Variants in PKD1L3 observed in about 807,000 individuals in gnomAD.
PKD1L3 encodes the protein polycystin-1-like protein 3.
Under a neutral mutation model 184.1 loss-of-function variants are expected in PKD1L3, and 239 were observed. The observed-to-expected ratio is 1.30, with a 90% CI of 1.17 to 1.45. PKD1L3 has a LOEUF of 1.45. Among genes scored for constraint, PKD1L3 ranks in the 40% most tolerant of loss-of-function variants. PKD1L3 has a pLI of 0.00. For missense variants in PKD1L3, 2,660 were observed against 2,067.2 expected (o/e 1.29, Z -5.56); for synonymous variants, 996 against 778.8 (o/e 1.28, Z -4.64).
chr16:71,933,306 T>G, intron 28 of PKD1L3, 114 bp downstream of exon 28: 1 of 760,736 alleles, frequency 1.3e-6, no homozygotes, highest in East Asian at 2.7e-5. Context: ...GGACTGAAAT[T>G]TTCCCCCTTT....
At chr16:71,937,445 G>A in intron 24 of PKD1L3, 26 bp from the exon 25 acceptor site, 1 of 1,545,682 alleles carries the variant, frequency 6.5e-7, no homozygotes, top group Non-Finnish European at 8.7e-7. Flanking sequence ...AACACCTGGA[G>A]TCAAGAGTCT....
At chr16:71,986,914 A>ATTTTTT (rs71153694) in intron 4 of PKD1L3, among the ~76,000 whole-genome samples, 1,540 of 81,356 alleles carry the variant, frequency 0.019, 393 homozygotes, top group African/African-American at 0.083. Flanking sequence ...TAAGGAGAGG[A>ATTTTTT]TTTTTTTTTT....
chr16:71,931,847 C>T (rs2037984009), intron 28 of PKD1L3, among the ~76,000 whole-genome samples: 3 of 152,070 alleles, frequency 2.0e-5, no homozygotes, highest in South Asian at 4.1e-4. Flanking sequence ...CTTTAGATTA[C>T]CTCTAGTACT....
rs746692922 is a variant in PKD1L3, at chr16:71,980,078, A to C, written c.1200T>G (p.Phe400Leu). 1.3e-5 allele frequency: 20 copies of C among 1,551,686 alleles called. No homozygotes were observed. The highest frequency in any genetic ancestry group is 1.7e-5 in the Non-Finnish European group (19 of 1,147,032). ...LVEFGNIGEA[F>L]LEQNQSPESS... ...ACTCGGGAGACTGGTTCTGCTCTAG[A>C]AATGCTTCCCCGATATTCCCAAACT... Residue 400 changes from phenylalanine (F) to leucine (L), a missense_variant, in exon 8 of 30, where the codon TTT (phenylalanine) becomes TTG (leucine). Transcript: ENST00000620267.
intron 1 of PKD1L3, among the ~76,000 whole-genome samples, chr16:71,999,328 C>G (rs896241883): frequency 6.6e-6 from 1 of 151,718 alleles, no homozygotes; most frequent in Non-Finnish European, 1.5e-5. Context: ...GGTAGATACT[C>G]TTCCTCTTAG....
intron 16 of PKD1L3, among the ~76,000 whole-genome samples, chr16:71,960,402 C>T (rs1481469868): frequency 2.6e-5 from 4 of 151,834 alleles, no homozygotes; most frequent in Non-Finnish European, 2.9e-5. Flanking sequence ...TAACTCTAAG[C>T]AAAACCATAA....
At chr16:71,970,304 T>C (rs1304401601) in intron 12 of PKD1L3, among the ~76,000 whole-genome samples, 199 bp from the exon 13 acceptor site, 1 of 152,176 alleles carries the variant, frequency 6.6e-6, no homozygotes, top group African/African-American at 2.4e-5. Context: ...AACAAACTCT[T>C]TGAATCCTGC....
chr16:71,957,600 C>T (rs1213605525), intron 16 of PKD1L3, among the ~76,000 whole-genome samples: 1 of 151,976 alleles, frequency 6.6e-6, no homozygotes, highest in Admixed American at 6.6e-5. Flanking sequence ...GAGTTCGAGA[C>T]CAGCCTGGCC....
chr16:71,946,429 G>A (rs1468041984), intron 22 of PKD1L3, among the ~76,000 whole-genome samples: 1 of 151,988 alleles, frequency 6.6e-6, no homozygotes, highest in Non-Finnish European at 1.5e-5. Flanking sequence ...ATAACCTCTT[G>A]TCAAGACATG....
intron 11 of PKD1L3, among the ~76,000 whole-genome samples, chr16:71,974,898 G>T (rs115548326): frequency 6.8e-6 from 1 of 147,374 alleles, no homozygotes; most frequent in Non-Finnish European, 1.5e-5. Context: ...TGGTCATGAC[G>T]GGAGACTGTA....
chr16:71,975,940 T>G (rs2039901962), intron 11 of PKD1L3, among the ~76,000 whole-genome samples: 1 of 143,710 alleles, frequency 7.0e-6, no homozygotes, highest in Admixed American at 7.3e-5. Context: ...ATGAGAGGTA[T>G]ACAAGCTGTT....
intron 15 of PKD1L3, among the ~76,000 whole-genome samples, chr16:71,964,636 GC>G (rs1267805023): frequency 6.6e-6 from 1 of 151,598 alleles, no homozygotes; most frequent in Non-Finnish European, 1.5e-5. Flanking sequence ...ACCATGCCTG[GC>G]CAATTCAATG....
At chr16:71,940,492 G>T (rs957156928) in intron 24 of PKD1L3, among the ~76,000 whole-genome samples, 7 of 151,762 alleles carry the variant, frequency 4.6e-5, no homozygotes, top group Non-Finnish European at 7.4e-5. Context: ...ACAGAGCTTT[G>T]TTTTTTATTT....
chr16:71,945,381 CACATATATATAT>C (rs1222066071), intron 22 of PKD1L3, among the ~76,000 whole-genome samples: 3 of 62,094 alleles, frequency 4.8e-5, no homozygotes, highest in Admixed American at 1.8e-4. Context: ...CACGCACACA[CACATATATATAT>C]ATATATTTAT....
intron 16 of PKD1L3, among the ~76,000 whole-genome samples, chr16:71,962,420 T>C (rs1389384594): frequency 2.0e-5 from 3 of 152,226 alleles, no homozygotes; most frequent in South Asian, 2.1e-4. Context: ...CAGAAGTTGA[T>C]ACGTATATTA....
chr16:71,932,999 A>G (rs977718042), intron 28 of PKD1L3, among the ~76,000 whole-genome samples: 2 of 151,898 alleles, frequency 1.3e-5, no homozygotes, highest in East Asian at 1.9e-4. Context: ...TATGTTGCCC[A>G]GGCTGGTCTC....
intron 17 of PKD1L3, 66 bp downstream of exon 17, chr16:71,954,039 G>C: frequency 7.6e-7 from 1 of 1,321,792 alleles, no homozygotes; most frequent in Non-Finnish European, 1.0e-6. Flanking sequence ...AACAGAGCAA[G>C]ACCCTGTCTC....
chr16:71,936,755 C>G (rs1289902864), intron 25 of PKD1L3, among the ~76,000 whole-genome samples: 1 of 152,106 alleles, frequency 6.6e-6, no homozygotes, highest in Non-Finnish European at 1.5e-5. Flanking sequence ...AGTGCTTGAA[C>G]TACAGGCATG....
rs946055546 is a variant in PKD1L3, at chr16:71,950,243, G to T, written c.3258C>A (p.His1086Gln). 41 of 1,551,938 alleles carry T rather than the reference G, an allele frequency of 2.6e-5. No homozygotes were observed. Among genetic ancestry groups the T allele is most frequent in the Non-Finnish European group, 3.6e-5 (41 of 1,147,086 alleles). The change falls in exon 20 of 30, where the codon CAC becomes CAA. Residue 1086 changes from histidine (H) to glutamine (Q), a missense_variant. Transcript: ENST00000620267. Reference protein sequence around the residue: ...LHRVLQRLKSHLGTLGLTQGH... With the variant: ...LHRVLQRLKSQLGTLGLTQGH... Reference sequence around the variant, plus strand: ...CCTGGGTGAGACCCAGCGTGCCTAAGTGAGATTTCAGCCTCTGCAGAACTC... The same window carrying T: ...CCTGGGTGAGACCCAGCGTGCCTAATTGAGATTTCAGCCTCTGCAGAACTC...
Sources: gnomAD v4.1 joint callset for allele counts (sites outside exome capture counted in the v4.1 genomes callset) on GRCh38, gnomAD v4.1.1 for gene constraint, MANE v1.5 for transcripts, NCBI Gene and HGNC (gene_info 2026-07-23, HGNC 2026-07-21) for gene names.